Variants in COLEC12 observed in about 807,000 individuals in gnomAD.
The protein encoded by COLEC12 is collectin-12.
In COLEC12, 33 loss-of-function variants were observed where a neutral mutation model predicts 71.1. The observed-to-expected ratio is 0.46, with a 90% CI of 0.35 to 0.62. The LOEUF (loss-of-function observed/expected upper bound fraction) is 0.62. Among genes scored for constraint, COLEC12 ranks in the 20% least tolerant of loss-of-function variants. The probability of loss-of-function intolerance (pLI) is 0.00; values close to 1 mark genes in which losing one functional copy is unlikely to be tolerated. For synonymous variants in COLEC12, 350 were observed against 353.0 expected (o/e 0.99, Z 0.10); for missense variants, 765 against 916.1 (o/e 0.84, Z 2.13).
chr18:369,402 TTTTTA>T (rs1306576117), intron 2 of COLEC12, among the ~76,000 whole-genome samples: 10 of 94,212 alleles, frequency 1.1e-4, no homozygotes, highest in African/African-American at 3.8e-4. Context: ...TTTTTATTTT[TTTTTA>T]TTTTTATTTT....
rs1227690531 is a variant in COLEC12 at position 362,582 on chromosome 18, G to C, written c.59-5060C>G. On this transcript the variant is annotated intron_variant, in intron 2 of 9. Transcript: ENST00000400256. This position sits in a 1 kb window ranked among gnomAD's most constrained non-coding sequence, Gnocchi z 4.6. ...AGCCTGGGGACTTTGTTCCCATGGC[G>C]GGGTGGGGGTGGGCAGGGAAGGAAG... Among the ~76,000 whole-genome samples, 1 of 152,094 alleles carries C rather than the reference G, an allele frequency of 6.6e-6. No homozygotes were observed. The highest frequency in any genetic ancestry group is 1.5e-5 in the Non-Finnish European group (1 of 68,022).
intron 2 of COLEC12, among the ~76,000 whole-genome samples, chr18:443,920 T>C (rs560588416): frequency 6.6e-6 from 1 of 152,284 alleles, no homozygotes; most frequent in East Asian, 1.9e-4. Context: ...CCACTCTCTA[T>C]CTTGCTCCTG....
intron 3 of COLEC12, among the ~76,000 whole-genome samples, chr18:350,935 G>A (rs1914504449): frequency 1.3e-5 from 2 of 149,704 alleles, no homozygotes; most frequent in African/African-American, 5.0e-5. Flanking sequence ...ACTCCAGCCT[G>A]GGCAACAGAG....
intron 2 of COLEC12, among the ~76,000 whole-genome samples, chr18:360,425 C>T (rs1417800129): frequency 1.3e-5 from 2 of 152,020 alleles, no homozygotes; most frequent in Non-Finnish European, 2.9e-5. Context: ...TCAAGTGATC[C>T]ACCCACCTCG....
At chr18:448,114 G>A (rs1916688281) in intron 2 of COLEC12, among the ~76,000 whole-genome samples, 1 of 152,188 alleles carries the variant, frequency 6.6e-6, no homozygotes, top group Non-Finnish European at 1.5e-5. Flanking sequence ...CACAAAGTTT[G>A]TCTTTCTCTA....
intron 2 of COLEC12, among the ~76,000 whole-genome samples, chr18:361,711 G>A (rs1249957627): frequency 2.6e-5 from 4 of 152,166 alleles, no homozygotes; most frequent in East Asian, 1.9e-4. Flanking sequence ...CCACAGACAC[G>A]CCACATTCCA....
At chr18:473,163 A>G (rs1180210858) in intron 2 of COLEC12, among the ~76,000 whole-genome samples, 1 of 152,154 alleles carries the variant, frequency 6.6e-6, no homozygotes, top group Non-Finnish European at 1.5e-5. Flanking sequence ...GTCTCACTCG[A>G]AAGACTTGCT....
intron 8 of COLEC12, among the ~76,000 whole-genome samples, chr18:323,699 T>A (rs1913769461): frequency 6.6e-6 from 1 of 152,172 alleles, no homozygotes; most frequent in South Asian, 2.1e-4. Flanking sequence ...ATATGGGGGG[T>A]TTGATTCCAT....
At chr18:363,813 A>G (rs1380230135) in intron 2 of COLEC12, among the ~76,000 whole-genome samples, 1 of 152,206 alleles carries the variant, frequency 6.6e-6, no homozygotes, top group African/African-American at 2.4e-5. Context: ...GAATTAGTAA[A>G]AAAAATTTTT....
At chr18:352,322 T>C (rs1357208817) in intron 3 of COLEC12, among the ~76,000 whole-genome samples, 1 of 152,206 alleles carries the variant, frequency 6.6e-6, no homozygotes, top group Non-Finnish European at 1.5e-5. Context: ...TCAAACCACA[T>C]GCAGGATCTC....
intron 2 of COLEC12, among the ~76,000 whole-genome samples, chr18:425,836 C>A (rs939514417): frequency 6.6e-6 from 1 of 152,150 alleles, no homozygotes; most frequent in South Asian, 2.1e-4. Flanking sequence ...TAAGAACTCA[C>A]CACCCCATCT....
chr18:393,984 G>A (rs1185462875), intron 2 of COLEC12, among the ~76,000 whole-genome samples: 1 of 152,206 alleles, frequency 6.6e-6, no homozygotes, highest in Non-Finnish European at 1.5e-5. Context: ...TGTGGAGGTG[G>A]TTGCTGGAGG....
intron 2 of COLEC12, among the ~76,000 whole-genome samples, chr18:433,581 T>G (rs1007538188): frequency 6.6e-6 from 1 of 152,076 alleles, no homozygotes; most frequent in Non-Finnish European, 1.5e-5. Flanking sequence ...CAAAAGCCAA[T>G]CAGCTCCAGG....
intron 1 of COLEC12, among the ~76,000 whole-genome samples, chr18:495,413 T>A (rs1327415793): frequency 6.6e-6 from 1 of 152,222 alleles, no homozygotes; most frequent in Non-Finnish European, 1.5e-5. Context: ...TATTTCATTT[T>A]CTCAATGCAA....
intron 2 of COLEC12, among the ~76,000 whole-genome samples, chr18:427,828 T>C (rs1021867694): frequency 2.6e-5 from 4 of 152,162 alleles, no homozygotes; most frequent in Non-Finnish European, 5.9e-5. Flanking sequence ...CCAGATTCCA[T>C]ATTCTCTTTT....
intron 2 of COLEC12, among the ~76,000 whole-genome samples, chr18:417,564 A>G (rs1916012099): frequency 6.6e-6 from 1 of 152,162 alleles, no homozygotes; most frequent in African/African-American, 2.4e-5. Flanking sequence ...ATGCCTGTCT[A>G]GTGACTGGGG....
At chr18:335,487 G>A (rs746102678) in intron 5 of COLEC12, among the ~76,000 whole-genome samples, 4 of 152,142 alleles carry the variant, frequency 2.6e-5, no homozygotes, top group Non-Finnish European at 4.4e-5. Flanking sequence ...CTTTACAGAG[G>A]TCATCGAGTT....
chr18:448,310 T>C (rs1294867756), intron 2 of COLEC12, among the ~76,000 whole-genome samples: 1 of 152,208 alleles, frequency 6.6e-6, no homozygotes, highest in Non-Finnish European at 1.5e-5. Flanking sequence ...TAAAGTCTGA[T>C]CCTGTAATCT....
At chr18:390,676 C>T (rs1915443813) in intron 2 of COLEC12, among the ~76,000 whole-genome samples, 1 of 152,194 alleles carries the variant, frequency 6.6e-6, no homozygotes, top group East Asian at 1.9e-4. Flanking sequence ...AGGAGAATTG[C>T]TTGAACCTGG....
Sources: allele counts gnomAD v4.1 joint callset (sites outside exome capture counted in the v4.1 genomes callset), GRCh38; gene constraint gnomAD v4.1.1; non-coding constraint Gnocchi (gnomAD v3.1); transcripts MANE v1.5; gene names NCBI Gene and HGNC (gene_info 2026-07-23, HGNC 2026-07-21).